Variants in CNOT4 observed in about 807,000 individuals in gnomAD.
The protein encoded by CNOT4 is CCR4-associated factor 4.
A neutral mutation model predicts 73.8 loss-of-function variants in CNOT4; 8 were observed. The observed-to-expected ratio is 0.11, with a 90% CI of 0.06 to 0.20. CNOT4 has a LOEUF of 0.20. Ranked by LOEUF, CNOT4 falls within the 10% of genes least tolerant of loss-of-function variation. The pLI is 1.00. For synonymous variants in CNOT4, 293 were observed against 321.1 expected (o/e 0.91, Z 0.94); for missense variants, 564 against 883.4 (o/e 0.64, Z 4.58).
intron 1 of CNOT4, among the ~76,000 whole-genome samples, chr7:135,474,565 C>T (rs369439986): frequency 1.2e-4 from 18 of 152,202 alleles, no homozygotes; most frequent in African/African-American, 4.1e-4. Flanking sequence ...ACATGAGCCA[C>T]GGCGCCTGGA....
At chr7:135,406,524 G>T (rs768070515) in intron 7 of CNOT4, among the ~76,000 whole-genome samples, 2 of 152,018 alleles carry the variant, frequency 1.3e-5, no homozygotes, top group Non-Finnish European at 2.9e-5. Context: ...AACTGGGTGT[G>T]TTGATGTGCA....
chr7:135,363,196 G>C lies in CNOT4; in HGVS notation c.1841-10C>G, dbSNP rs1368057041. On this transcript the variant is annotated splice_polypyrimidine_tract_variant and intron_variant, in intron 11 of 11. Transcript: ENST00000541284. The surrounding 1 kb of genome is among the most constrained non-coding windows in gnomAD (Gnocchi z 4.3). ...GAAGACGCTGGAATACCTAAGGAGA[G>C]AAAAGAAAAAAGAGGGAAAATGGTG... The C allele has an allele frequency of 6.2e-7, 1 of 1,609,878 alleles. No individual in the cohort carries two copies. The highest frequency in any genetic ancestry group is 8.5e-7 in the Non-Finnish European group (1 of 1,178,742).
chr7:135,462,723 T>C (rs1239595793), intron 1 of CNOT4, among the ~76,000 whole-genome samples: 1 of 152,218 alleles, frequency 6.6e-6, no homozygotes, highest in Non-Finnish European at 1.5e-5. Context: ...GTTACAGTCT[T>C]GGATTCTTAA....
rs1323262390 is a variant in CNOT4, at chr7:135,363,324, T to C, written c.1841-138A>G. ...TTTAAACTCCTTCCAAATAAGACCT[T>C]TTAAACCAATCCTCCCCCAACAACA... On this transcript the variant is annotated intron_variant, in intron 11 of 11. Coordinates refer to ENST00000541284, the MANE Select transcript of CNOT4 (RefSeq NM_001190850.2). The surrounding 1 kb of genome is among the most constrained non-coding windows in gnomAD (Gnocchi z 4.3). The C allele has an allele frequency of 4.0e-6, 3 of 745,354 alleles. No homozygotes were observed. Among genetic ancestry groups the C allele is most frequent in the African/African-American group, 3.5e-5 (2 of 56,668 alleles). The allele number at this position is 745,354 out of a possible 1,614,324, so 46.2% of individuals were successfully genotyped here.
At chr7:135,508,100 A>C (rs1804492440) in intron 1 of CNOT4, among the ~76,000 whole-genome samples, 1 of 152,242 alleles carries the variant, frequency 6.6e-6, no homozygotes, top group South Asian at 2.1e-4. Flanking sequence ...AAATTACAAT[A>C]ACCCAGTAAT....
chr7:135,472,146 G>A (rs576024917), intron 1 of CNOT4, among the ~76,000 whole-genome samples: 54 of 150,398 alleles, frequency 3.6e-4, no homozygotes, highest in Non-Finnish European at 6.4e-4. Context: ...GTACTCCAGC[G>A]TGGGCCACAG....
At chr7:135,485,509 C>T (rs889042228) in intron 1 of CNOT4, among the ~76,000 whole-genome samples, 1 of 152,168 alleles carries the variant, frequency 6.6e-6, no homozygotes, top group Non-Finnish European at 1.5e-5. Flanking sequence ...AACTATACCG[C>T]TACAGCAATT....
intron 4 of CNOT4, among the ~76,000 whole-genome samples, chr7:135,414,733 T>C (rs1209260018): frequency 6.6e-6 from 1 of 152,034 alleles, no homozygotes; most frequent in African/African-American, 2.4e-5. Context: ...TATAAAAAAA[T>C]TAAAATTTAG....
At chr7:135,393,068 C>A (rs1427498038) in intron 10 of CNOT4, among the ~76,000 whole-genome samples, 2 of 152,098 alleles carry the variant, frequency 1.3e-5, no homozygotes, top group Non-Finnish European at 2.9e-5. Context: ...TTGAGAGAAT[C>A]AGGAGAGGAA....
intron 1 of CNOT4, among the ~76,000 whole-genome samples, chr7:135,496,204 T>C (rs906207725): frequency 2.6e-5 from 4 of 152,166 alleles, no homozygotes; most frequent in Non-Finnish European, 5.9e-5. Flanking sequence ...GTGATTCTTA[T>C]GCCTCAGCCT....
intron 10 of CNOT4, among the ~76,000 whole-genome samples, chr7:135,391,572 G>C (rs1299242055): frequency 6.6e-6 from 1 of 151,772 alleles, no homozygotes; most frequent in African/African-American, 2.4e-5. Flanking sequence ...TTGAGTATAT[G>C]GTAAAAGTTT....
intron 1 of CNOT4, among the ~76,000 whole-genome samples, chr7:135,451,544 C>A (rs1800163072): frequency 1.3e-5 from 2 of 152,104 alleles, no homozygotes; most frequent in Admixed American, 1.3e-4. Context: ...CTGCCCGCCT[C>A]GACCTCCCAA....
At chr7:135,433,794 G>C (rs1437947283) in intron 2 of CNOT4, among the ~76,000 whole-genome samples, 3 of 152,132 alleles carry the variant, frequency 2.0e-5, no homozygotes, top group Admixed American at 6.5e-5. Context: ...TGCCACATCA[G>C]TGCACCACCT....
chr7:135,362,902 T>C lies in CNOT4; in HGVS notation c.2125A>G (p.Thr709Ala). Residue 709 changes from threonine (T) to alanine (A), a missense_variant, in exon 12 of 12, where the codon ACA (threonine) becomes GCA (alanine). By Grantham distance (58) the Thr-to-Ala change is moderately conservative (BLOSUM62 0). Transcript: ENST00000541284. ...CTCTTTGCCTAATGGCGGTCCAGTG[T>C]TGAACTCTGTAGTAAATCTGTGGGG... is the stretch of plus-strand genomic sequence containing the variant. ...KTPTDLLQSS[T>A]LDRH The C allele has an allele frequency of 1.9e-6, 3 of 1,613,686 alleles. No individual in the cohort carries two copies. The highest frequency in any genetic ancestry group is 2.5e-6 in the Non-Finnish European group (3 of 1,179,802).
At chr7:135,479,340 C>G (rs919299061) in intron 1 of CNOT4, among the ~76,000 whole-genome samples, 1 of 149,278 alleles carries the variant, frequency 6.7e-6, no homozygotes, top group Non-Finnish European at 1.5e-5. Context: ...TCCCGAGTAG[C>G]TGGGACTACA....
chr7:135,446,680 T>A (rs556912402), intron 1 of CNOT4, among the ~76,000 whole-genome samples: 1 of 151,878 alleles, frequency 6.6e-6, no homozygotes, highest in African/African-American at 2.4e-5. Context: ...ACTGTAATTA[T>A]ACATAATTGA....
intron 10 of CNOT4, among the ~76,000 whole-genome samples, chr7:135,373,860 C>A (rs545739730): frequency 7.2e-5 from 11 of 152,124 alleles, no homozygotes; most frequent in Non-Finnish European, 1.3e-4. Flanking sequence ...GGATTACAGG[C>A]CTGAGCCACC....
chr7:135,370,525 G>A (rs1415425872), intron 10 of CNOT4, among the ~76,000 whole-genome samples: 4 of 152,284 alleles, frequency 2.6e-5, no homozygotes, highest in South Asian at 2.1e-4. Context: ...ACACCATGCC[G>A]TGCCATCGAC....
chr7:135,383,173 C>T (rs1165745189), intron 10 of CNOT4, among the ~76,000 whole-genome samples: 1 of 152,172 alleles, frequency 6.6e-6, no homozygotes, highest in Non-Finnish European at 1.5e-5. Flanking sequence ...ATGACCTAAT[C>T]CAACTATGTA....
Sources: allele counts gnomAD v4.1 joint callset (sites outside exome capture counted in the v4.1 genomes callset), GRCh38; gene constraint gnomAD v4.1.1; non-coding constraint Gnocchi (gnomAD v3.1); transcripts MANE v1.5; gene names NCBI Gene and HGNC (gene_info 2026-07-23, HGNC 2026-07-21).